Variants in BMS1 observed in about 807,000 individuals in gnomAD.
BMS1 encodes ribosome biogenesis protein BMS1 homolog.
BMS1 carries 53 observed loss-of-function variants against 138.7 expected under a neutral mutation model. That is an observed-to-expected ratio of 0.38 (90% CI 0.31 to 0.48). BMS1 has a LOEUF of 0.48. Ranked by LOEUF, BMS1 falls within the 20% of genes least tolerant of loss-of-function variation. The pLI is 0.97. For synonymous variants in BMS1, 504 were observed against 539.9 expected (o/e 0.93, Z 0.92); for missense variants, 1,360 against 1,565.5 (o/e 0.87, Z 2.22).
intron 2 of BMS1, 57 bp downstream of exon 2, chr10:42,784,627 A>G (rs750547149): frequency 3.3e-5 from 51 of 1,535,214 alleles, no homozygotes; most frequent in Admixed American, 8.1e-5. Context: ...AAATAGTAGG[A>G]GCCTCTCACA....
chr10:42,820,264 A>G lies in BMS1; in HGVS notation c.2609A>G (p.Asp870Gly), dbSNP rs2132377624. 6.2e-7 allele frequency: 1 copy of G among 1,613,168 alleles called. No individual in the cohort carries two copies. Among genetic ancestry groups the G allele is most frequent in the Non-Finnish European group, 8.5e-7 (1 of 1,179,876 alleles). ...AATCGCGCAGAATTTGAAGATCAAG[A>G]TGATGAAGCCAGAGTTCAGTATGAG... ...QLNRAEFEDQDDEARVQYEGF... is the reference protein window; with the variant it reads ...QLNRAEFEDQGDEARVQYEGF... The change falls in exon 16 of 23, where the codon GAT (aspartate) becomes GGT (glycine). Residue 870 changes from aspartate (D) to glycine (G), a missense_variant. Transcript: ENST00000374518.
In BMS1 at chr10:42,834,387, C is replaced by T. The variant is rs910362147; in HGVS notation, c.*3291C>T. ...TCTCTGGAGGCTCCAGAGCTTACCT[C>T]GCTGATGGGAAAAAGAGCATCGATT... On this transcript the variant is annotated 3_prime_UTR_variant, in exon 23 of 23. Transcript: ENST00000374518. 7 of 115,604 alleles carry T rather than the reference C, an allele frequency of 6.1e-5. No homozygotes were observed. The highest frequency in any genetic ancestry group is 3.2e-4 in the East Asian group (1 of 3,082). The allele number at this position is 115,604 out of a possible 1,614,324, so 7.2% of individuals were successfully genotyped here.
intron 21 of BMS1, 25 bp from the exon 22 acceptor site, chr10:42,830,236 T>C: frequency 6.2e-7 from 1 of 1,607,498 alleles, no homozygotes; most frequent in Non-Finnish European, 8.5e-7. Context: ...TTTGAATATG[T>C]CACAGTCTTT....
At chr10:42,803,797 C>T (rs971902552) in intron 13 of BMS1, among the ~76,000 whole-genome samples, 1 of 152,084 alleles carries the variant, frequency 6.6e-6, no homozygotes, top group Non-Finnish European at 1.5e-5. Context: ...TTAAAGTATA[C>T]AATTTGATAA....
chr10:42,794,290 T>C (rs1462921955), intron 9 of BMS1, among the ~76,000 whole-genome samples: 5 of 152,176 alleles, frequency 3.3e-5, no homozygotes, highest in African/African-American at 2.4e-5. Flanking sequence ...GGCTTTCTTT[T>C]GGTGGCCAAA....
chr10:42,796,058 CAG>C (rs1841673653), intron 9 of BMS1, among the ~76,000 whole-genome samples: 1 of 152,220 alleles, frequency 6.6e-6, no homozygotes, highest in African/African-American at 2.4e-5. Context: ...CACTTTCTGA[CAG>C]AACAAGAGGA....
intron 16 of BMS1, 39 bp from the exon 17 acceptor site, chr10:42,820,469 T>C (rs1300982217): frequency 6.2e-7 from 1 of 1,611,460 alleles, no homozygotes; most frequent in Admixed American, 1.7e-5. Context: ...CTCTGTGGAT[T>C]TCCCCTCCAT....
In BMS1 at chr10:42,811,520, C is replaced by CTTTTTTT. The variant is rs879940551; in HGVS notation, c.2330-5074_2330-5073insTTTTTTT. 4.8e-4 allele frequency among the ~76,000 whole-genome samples: 58 copies of CTTTTTTT among 121,570 alleles called. 5 individuals are homozygous for CTTTTTTT. Among genetic ancestry groups the CTTTTTTT allele is most frequent in the African/African-American group, 1.0e-3 (30 of 29,868 alleles). The allele number at this position is 121,570 out of a possible 152,430, so 79.8% of individuals were successfully genotyped here. ...CACAAATGTTCACGTGTTGTATTTTCTTTTTCTTTTTTTTTTTTTTTTGAG... is the reference window on the plus strand; with the variant it reads ...CACAAATGTTCACGTGTTGTATTTTCTTTTTTTTTTTTCTTTTTTTTTTTTTTTTGAG... On this transcript the variant is annotated intron_variant, in intron 13 of 22. Coordinates refer to ENST00000374518, the MANE Select transcript of BMS1 (RefSeq NM_014753.4).
intron 11 of BMS1, 35 bp downstream of exon 11, chr10:42,797,558 A>C: frequency 3.1e-6 from 5 of 1,591,350 alleles, no homozygotes; most frequent in Non-Finnish European, 4.3e-6. Flanking sequence ...GAAATGTTTT[A>C]GTTTCTCTGA....
At chr10:42,806,629 G>A (rs559854046) in intron 13 of BMS1, among the ~76,000 whole-genome samples, 1 of 152,008 alleles carries the variant, frequency 6.6e-6, no homozygotes, top group South Asian at 2.1e-4. Flanking sequence ...TAGCTACTCA[G>A]GAGGCTGAGG....
chr10:42,805,822 CAG>C (rs1363206982), intron 13 of BMS1, among the ~76,000 whole-genome samples: 3 of 152,020 alleles, frequency 2.0e-5, no homozygotes, highest in Admixed American at 6.6e-5. Context: ...GTTTTTGAGA[CAG>C]AGTCTCGCTC....
chr10:42,792,635 A>T (rs377327011), intron 7 of BMS1, 21 bp downstream of exon 7: 1 of 1,597,824 alleles, frequency 6.3e-7, no homozygotes, highest in Non-Finnish European at 8.5e-7. Flanking sequence ...GTTGTAGAAC[A>T]TACTAGAATT....
intron 15 of BMS1, among the ~76,000 whole-genome samples, chr10:42,818,945 A>C (rs1473396138): frequency 1.3e-5 from 2 of 152,188 alleles, no homozygotes; most frequent in East Asian, 3.9e-4. Context: ...CTGCCATGTT[A>C]ACTACGGTGA....
intron 13 of BMS1, among the ~76,000 whole-genome samples, chr10:42,805,948 C>G (rs1841999811): frequency 6.6e-6 from 1 of 152,114 alleles, no homozygotes; most frequent in South Asian, 2.1e-4. Flanking sequence ...TACAGGCAGC[C>G]ATTATCACGC....
intron 13 of BMS1, among the ~76,000 whole-genome samples, chr10:42,807,538 T>C (rs1340036956): frequency 1.3e-5 from 2 of 152,290 alleles, no homozygotes; most frequent in East Asian, 1.9e-4. Context: ...TGGTGTGATA[T>C]TGGCTCACTG....
At chr10:42,788,004 A>AT (rs1170345003) in intron 4 of BMS1, among the ~76,000 whole-genome samples, 2 of 151,710 alleles carry the variant, frequency 1.3e-5, no homozygotes, top group African/African-American at 2.4e-5. Flanking sequence ...AGACACCTTG[A>AT]TTTTTTCATT....
In BMS1 at chr10:42,830,435, A is replaced by G. The variant is rs1842768719; in HGVS notation, c.3618+13A>G. On this transcript the variant is annotated intron_variant, in intron 22 of 22. Transcript: ENST00000374518. ...TCATGAAAGAAAGGTACTGTTGCCC[A>G]TGCTGTACTGCACGCTGCGTTTAGA... The G allele has an allele frequency of 6.2e-7, 1 of 1,601,462 alleles. No individual in the cohort carries two copies. The highest frequency in any genetic ancestry group is 8.5e-7 in the Non-Finnish European group (1 of 1,176,844).
At chr10:42,785,375 C>T in intron 2 of BMS1, 107 bp from the exon 3 acceptor site, 2 of 889,482 alleles carry the variant, frequency 2.2e-6, no homozygotes, top group Non-Finnish European at 3.3e-6. Flanking sequence ...CTAAAGTACT[C>T]ATAGCTATAA....
At chr10:42,791,606 T>A in intron 5 of BMS1, 21 bp from the exon 6 acceptor site, 1 of 1,577,560 alleles carries the variant, frequency 6.3e-7, no homozygotes, top group East Asian at 2.2e-5. Flanking sequence ...ATTTAATTTT[T>A]AATTTTCCTC....
Sources: allele counts gnomAD v4.1 joint callset (sites outside exome capture counted in the v4.1 genomes callset), GRCh38; gene constraint gnomAD v4.1.1; transcripts MANE v1.5; gene names NCBI Gene and HGNC (gene_info 2026-07-23, HGNC 2026-07-21).